Variants in PARP8 observed in about 807,000 individuals in gnomAD.
The protein encoded by PARP8 is protein mono-ADP-ribosyltransferase PARP8.
PARP8 carries 51 observed loss-of-function variants against 124.1 expected under a neutral mutation model. The observed-to-expected ratio is 0.41, with a 90% CI of 0.33 to 0.52. The LOEUF (loss-of-function observed/expected upper bound fraction) is 0.52, where lower values mean the gene tolerates loss of function less well. PARP8 is among the 20% of genes least tolerant of loss of function. The pLI is 0.21. For synonymous variants in PARP8, 391 were observed against 361.5 expected (o/e 1.08, Z -0.93); for missense variants, 860 against 1,018.9 (o/e 0.84, Z 2.12).
At chr5:50,796,293 G>A (rs1281485851) in intron 12 of PARP8, among the ~76,000 whole-genome samples, 1 of 152,124 alleles carries the variant, frequency 6.6e-6, no homozygotes, top group Non-Finnish European at 1.5e-5. Flanking sequence ...GGAAAGTAAT[G>A]TTATTCTTAT....
At chr5:50,791,928 T>C (rs1374573565) in intron 10 of PARP8, among the ~76,000 whole-genome samples, 1 of 152,186 alleles carries the variant, frequency 6.6e-6, no homozygotes, top group African/African-American at 2.4e-5. Context: ...TATGATATTA[T>C]TTTGCTAAAG....
chr5:50,785,339 T>C (rs551786815), intron 9 of PARP8, among the ~76,000 whole-genome samples: 1 of 152,328 alleles, frequency 6.6e-6, no homozygotes, highest in South Asian at 2.1e-4. Context: ...TTGTGTCTAG[T>C]GTTATATAAC....
At chr5:50,724,641 AT>A (rs901389207) in intron 2 of PARP8, among the ~76,000 whole-genome samples, 1 of 151,526 alleles carries the variant, frequency 6.6e-6, no homozygotes, top group Admixed American at 6.6e-5. Context: ...GTTGTTTTTA[AT>A]TTTTTTTGGT....
chr5:50,718,792 T>C (rs976015963), intron 2 of PARP8, among the ~76,000 whole-genome samples: 8 of 152,064 alleles, frequency 5.3e-5, no homozygotes, highest in Non-Finnish European at 1.0e-4. Context: ...GGAGTGCAGA[T>C]AGCTTTTTGA....
intron 2 of PARP8, among the ~76,000 whole-genome samples, chr5:50,728,278 G>T (rs920788584): frequency 1.3e-5 from 2 of 152,164 alleles, no homozygotes; most frequent in African/African-American, 4.8e-5. Flanking sequence ...TAATTTTAGA[G>T]TTGGGTATAA....
rs1470783050 is a variant in PARP8, at chr5:50,795,170, G to C, written c.1181G>C (p.Arg394Pro). The change falls in exon 12 of 26, where the codon CGA becomes CCA. Residue 394 changes from arginine (R) to proline (P), a missense_variant. Around this residue, in one of 2 missense-constraint regions of PARP8, gnomAD observed 517 missense variants for 544.2 expected, o/e 0.95. Coordinates refer to ENST00000281631, the MANE Select transcript of PARP8 (RefSeq NM_024615.4). ...ACTCGATCTTGTTCTGGAGATCCAC[G>C]ATGTGAGCACAACACAAACTTGAAG... ...LLTRSCSGDPRCEHNTNLKPH... is the reference protein window; with the variant it reads ...LLTRSCSGDPPCEHNTNLKPH... The C allele has an allele frequency of 6.8e-6, 11 of 1,614,068 alleles. No individual in the cohort carries two copies. The Admixed American group carries it at 1.7e-4, about 24-fold the overall frequency.
Position 50,842,192 on chromosome 5 carries a change from A to G in PARP8, c.*124A>G. On this transcript the variant is annotated 3_prime_UTR_variant, in exon 26 of 26. Coordinates refer to ENST00000281631, the MANE Select transcript of PARP8 (RefSeq NM_024615.4). ...AACAAAATTAACCCTTTGAATACTGATTTTTTTTCTTAGTATTTCTAAGTA... is the reference window on the plus strand; with the variant it reads ...AACAAAATTAACCCTTTGAATACTGGTTTTTTTTCTTAGTATTTCTAAGTA... The G allele has an allele frequency of 1.5e-6, 1 of 656,532 alleles. No individual in the cohort carries two copies. The highest frequency in any genetic ancestry group is 2.6e-6 in the Non-Finnish European group (1 of 390,256). The allele number at this position is 656,532 out of a possible 1,614,324, so 40.7% of individuals were successfully genotyped here.
At chr5:50,699,493 G>A (rs1753367918) in intron 2 of PARP8, among the ~76,000 whole-genome samples, 1 of 152,146 alleles carries the variant, frequency 6.6e-6, no homozygotes, top group Non-Finnish European at 1.5e-5. Flanking sequence ...GAGCAGATTA[G>A]TGTAAAGAGG....
intron 2 of PARP8, among the ~76,000 whole-genome samples, chr5:50,705,620 A>C (rs1238895855): frequency 6.6e-6 from 1 of 152,130 alleles, no homozygotes; most frequent in Non-Finnish European, 1.5e-5. Context: ...CCCCATCTTT[A>C]CTAAAGATAC....
chr5:50,802,158 C>T (rs1342564242), intron 14 of PARP8, among the ~76,000 whole-genome samples: 1 of 152,180 alleles, frequency 6.6e-6, no homozygotes, highest in African/African-American at 2.4e-5. Context: ...TCCTCTGCTT[C>T]TCCCTTACTG....
intron 2 of PARP8, among the ~76,000 whole-genome samples, chr5:50,694,512 G>A (rs780722557): frequency 3.9e-5 from 6 of 152,062 alleles, no homozygotes; most frequent in Non-Finnish European, 8.8e-5. Flanking sequence ...CTTGTGAAAG[G>A]GTTTCAGCCC....
At chr5:50,771,688 G>T (rs1401891819) in intron 7 of PARP8, among the ~76,000 whole-genome samples, 1 of 152,006 alleles carries the variant, frequency 6.6e-6, no homozygotes, top group Non-Finnish European at 1.5e-5. Flanking sequence ...TTTTTATTTA[G>T]TGCCAGATAC....
At chr5:50,740,489 G>A (rs138244695) in intron 2 of PARP8, among the ~76,000 whole-genome samples, 1 of 152,252 alleles carries the variant, frequency 6.6e-6, no homozygotes, top group East Asian at 1.9e-4. Context: ...AAGATGAGAC[G>A]CATAGATAGG....
intron 14 of PARP8, among the ~76,000 whole-genome samples, chr5:50,807,313 CT>C (rs1164686269): frequency 6.6e-6 from 1 of 152,070 alleles, no homozygotes; most frequent in Non-Finnish European, 1.5e-5. Flanking sequence ...ATAAATGTCA[CT>C]CTCAGATTTG....
intron 7 of PARP8, among the ~76,000 whole-genome samples, chr5:50,775,588 AT>A (rs1350557884): frequency 6.6e-6 from 1 of 152,044 alleles, no homozygotes; most frequent in Non-Finnish European, 1.5e-5. Flanking sequence ...ACAATTTTTT[AT>A]TTTTTATTGT....
chr5:50,796,286 A>C (rs1239439978), intron 12 of PARP8, among the ~76,000 whole-genome samples: 1 of 152,208 alleles, frequency 6.6e-6, no homozygotes, highest in Non-Finnish European at 1.5e-5. Context: ...TGTTTCAGGA[A>C]AGTAATGTTA....
intron 2 of PARP8, chr5:50,738,882 A>C (rs1297897062): frequency 3.1e-6 from 2 of 654,892 alleles, no homozygotes; most frequent in South Asian, 1.6e-5. Context: ...TCATGTAATA[A>C]AAAATTTATT....
chr5:50,667,794 A>G (rs1749513143), intron 1 of PARP8: 4 of 920,592 alleles, frequency 4.3e-6, no homozygotes, highest in Non-Finnish European at 5.1e-6. Context: ...CGCTACCGCG[A>G]GCCCGGCTGA....
chr5:50,710,972 T>C (rs1754712972), intron 2 of PARP8, among the ~76,000 whole-genome samples: 1 of 152,146 alleles, frequency 6.6e-6, no homozygotes, highest in Non-Finnish European at 1.5e-5. Flanking sequence ...CACATATACA[T>C]ATGTGCCTGT....
Sources: allele counts gnomAD v4.1 joint callset (sites outside exome capture counted in the v4.1 genomes callset), GRCh38; gene constraint gnomAD v4.1.1; regional missense constraint gnomAD v4.1.1; transcripts MANE v1.5; gene names NCBI Gene and HGNC (gene_info 2026-07-23, HGNC 2026-07-21).